SAMMSON: variants seen among roughly 807,000 people sequenced by gnomAD.
SAMMSON encodes survival associated mitochondrial melanoma specific oncogenic non-coding RNA.
chr3:70,099,292 A>G (rs1017276024), intron 4 of SAMMSON, among the ~76,000 whole-genome samples: 2 of 152,178 alleles, frequency 1.3e-5, no homozygotes, highest in African/African-American at 4.8e-5. Flanking sequence ...CCATTGCCAC[A>G]TAGTTCTCTT....
At chr3:70,365,403 CATAA>C (rs1463743353) in intron 9 of SAMMSON, among the ~76,000 whole-genome samples, 2 of 151,440 alleles carry the variant, frequency 1.3e-5, no homozygotes, top group African/African-American at 4.8e-5. Context: ...TACACATATC[CATAA>C]ATATTTCTAT....
intron 4 of SAMMSON, among the ~76,000 whole-genome samples, chr3:70,189,601 G>A (rs1169341724): frequency 2.0e-5 from 3 of 152,142 alleles, no homozygotes; most frequent in South Asian, 2.1e-4. Context: ...AATAGCAAGA[G>A]GCAGATGAAA....
chr3:70,008,144 C>T (rs987072983), intron 1 of SAMMSON, among the ~76,000 whole-genome samples: 8 of 152,026 alleles, frequency 5.3e-5, no homozygotes, highest in African/African-American at 1.4e-4. Context: ...TTTTTGGTTC[C>T]ATATGAACTT....
intron 9 of SAMMSON, among the ~76,000 whole-genome samples, chr3:70,374,562 C>T (rs1702996350): frequency 6.6e-6 from 1 of 152,060 alleles, no homozygotes; most frequent in South Asian, 2.1e-4. Context: ...TTTGGTTCCC[C>T]ATGAAATCAC....
chr3:70,248,546 G>A (rs1701730245), intron 4 of SAMMSON, among the ~76,000 whole-genome samples: 1 of 151,932 alleles, frequency 6.6e-6, no homozygotes, highest in Non-Finnish European at 1.5e-5. Flanking sequence ...TTTAAAACAG[G>A]GAAAATACAT....
chr3:70,392,058 G>T (rs1015777073), downstream of SAMMSON, among the ~76,000 whole-genome samples: 3 of 152,028 alleles, frequency 2.0e-5, no homozygotes, highest in Non-Finnish European at 2.9e-5. Flanking sequence ...GAAGGGGATG[G>T]GTACCCCGCC....
chr3:70,325,467 A>G (rs1039804735), intron 7 of SAMMSON, among the ~76,000 whole-genome samples: 1 of 152,166 alleles, frequency 6.6e-6, no homozygotes, highest in Non-Finnish European at 1.5e-5. Flanking sequence ...GTTCATTTAC[A>G]TTTCAAAAGA....
At chr3:70,251,431 A>G (rs1174075220) in intron 6 of SAMMSON, among the ~76,000 whole-genome samples, 2 of 152,180 alleles carry the variant, frequency 1.3e-5, no homozygotes, top group African/African-American at 2.4e-5. Flanking sequence ...TATATCAGGT[A>G]TCTGTCTACT....
intron 4 of SAMMSON, among the ~76,000 whole-genome samples, chr3:70,087,196 G>T (rs1219318191): frequency 2.0e-5 from 3 of 152,060 alleles, no homozygotes; most frequent in African/African-American, 7.2e-5. Context: ...ATGGTTAAAG[G>T]ATACTTTCCT....
chr3:70,322,811 G>A (rs1237120868), intron 7 of SAMMSON, among the ~76,000 whole-genome samples: 1 of 152,068 alleles, frequency 6.6e-6, no homozygotes, highest in Non-Finnish European at 1.5e-5. Flanking sequence ...GAGCCATAGA[G>A]ACTAATTAGA....
At chr3:70,393,687 G>A (rs1701068448), downstream of SAMMSON, among the ~76,000 whole-genome samples, 2 of 152,138 alleles carry the variant, frequency 1.3e-5, no homozygotes, top group Non-Finnish European at 2.9e-5. Flanking sequence ...AGGATGGCAA[G>A]GAGTTGGCCA....
intron 7 of SAMMSON, among the ~76,000 whole-genome samples, chr3:70,334,617 T>C (rs756798039): frequency 1.3e-5 from 2 of 152,104 alleles, no homozygotes; most frequent in Non-Finnish European, 2.9e-5. Context: ...CTTAATTGTA[T>C]GTCTGGCACT....
At chr3:70,031,072 A>G (rs890991063) in intron 3 of SAMMSON, among the ~76,000 whole-genome samples, 23 of 152,238 alleles carry the variant, frequency 1.5e-4, no homozygotes, top group African/African-American at 5.3e-4. Flanking sequence ...AAAAACAAGG[A>G]CTCAAACAGT....
intron 4 of SAMMSON, among the ~76,000 whole-genome samples, chr3:70,204,313 TC>T (rs201643596): frequency 0.018 from 2,718 of 152,300 alleles, 86 homozygotes; most frequent in African/African-American, 0.06. Flanking sequence ...ACCCCAGCTC[TC>T]AATTTCTGCA....
chr3:70,222,715 T>A (rs558495582), intron 4 of SAMMSON, among the ~76,000 whole-genome samples: 4 of 152,302 alleles, frequency 2.6e-5, no homozygotes, highest in African/African-American at 9.6e-5. Context: ...CCATACTTTG[T>A]ACAAAGTTGT....
At position 70,223,875 on chromosome 3, in the gene SAMMSON, G is replaced by A. The variant is rs77192308; in HGVS notation, n.508-25232G>A. 5.4e-3 allele frequency among the ~76,000 whole-genome samples: 815 copies of A among 151,710 alleles called. 10 individuals carry two copies. Among genetic ancestry groups the A allele is most frequent in the African/African-American group, 0.019 (769 of 41,354 alleles). The stretch of plus-strand genomic sequence containing the variant: ...ACTTAATCTTTTTTCTCCCTTTATC[G>A]TGCTCTTTCTCTTACTCTGCTTCAT... On this transcript the variant is annotated intron_variant and non_coding_transcript_variant, in intron 4 of 9. Coordinates refer to ENST00000642114, the Ensembl canonical transcript of SAMMSON.
At chr3:70,404,661 TATC>T (rs1701165742) in intron 2 of SAMMSON, among the ~76,000 whole-genome samples, 1 of 152,132 alleles carries the variant, frequency 6.6e-6, no homozygotes, top group African/African-American at 2.4e-5. Flanking sequence ...ATTTAAAAAA[TATC>T]ATAAGAAATA....
Position 70,109,841 on chromosome 3 carries a change from C to T in SAMMSON, n.507+38276C>T, listed in dbSNP as rs142822613. Among the ~76,000 whole-genome samples the T allele has an allele frequency of 6.1e-3, 928 of 152,298 alleles. 8 individuals are homozygous for T. Among genetic ancestry groups the T allele is most frequent in the Non-Finnish European group, 9.6e-3 (656 of 68,028 alleles). ...ATTAATTACTTATTCTTTCTTCTGT[C>T]CTATTTGTGTAGAGGTACCTTCATT... On this transcript the variant is annotated intron_variant and non_coding_transcript_variant, in intron 4 of 9. Coordinates refer to ENST00000642114, the Ensembl canonical transcript of SAMMSON.
At chr3:70,355,628 T>C (rs1490037998) in intron 8 of SAMMSON, among the ~76,000 whole-genome samples, 5 of 151,994 alleles carry the variant, frequency 3.3e-5, no homozygotes. Flanking sequence ...AAAAAAATCT[T>C]TGGAGTGAGC....
Sources: allele counts gnomAD v4.1 joint callset (sites outside exome capture counted in the v4.1 genomes callset), GRCh38; gene constraint gnomAD v4.1.1; transcripts MANE v1.5; gene names NCBI Gene and HGNC (gene_info 2026-07-23, HGNC 2026-07-21).